DOCK6: variants seen among roughly 807,000 people sequenced by gnomAD.
The protein encoded by DOCK6 is dedicator of cytokinesis protein 6.
DOCK6 carries 167 observed loss-of-function variants against 230.3 expected under a neutral mutation model. The observed-to-expected ratio is 0.73, with a 90% CI of 0.64 to 0.82. The LOEUF is 0.82. Among genes scored for constraint, DOCK6 ranks in the 40% least tolerant of loss-of-function variants. The pLI, the probability that DOCK6 is intolerant of heterozygous loss-of-function variation, is 0.00. For missense variants in DOCK6, 2,598 were observed against 2,825.8 expected, an observed-to-expected ratio of 0.92 and a Z score of 1.83; for synonymous variants, 1,148 against 1,185.0, an observed-to-expected ratio of 0.97 and a Z score of 0.64.
At chr19:11,235,877 A>ATTTTT (rs56665433) in intron 20 of DOCK6, 118 bp from the exon 21 acceptor site, 44 of 886,110 alleles carry the variant, frequency 5.0e-5, no homozygotes, top group South Asian at 8.4e-5. Flanking sequence ...GGGGTCACAA[A>ATTTTT]TTTTTTTTTT....
intron 39 of DOCK6, among the ~76,000 whole-genome samples, chr19:11,204,659 C>G (rs1267526565): frequency 6.6e-6 from 1 of 152,114 alleles, no homozygotes; most frequent in Non-Finnish European, 1.5e-5. Context: ...CCCACCCTAG[C>G]CTCCCACATA....
intron 16 of DOCK6, 33 bp from the exon 17 acceptor site, chr19:11,237,812 G>A (rs1414389546): frequency 2.6e-6 from 4 of 1,542,028 alleles, no homozygotes; most frequent in Admixed American, 2.0e-5. Flanking sequence ...TCTGCTGGGG[G>A]CTGGGGTCCC....
Position 11,216,915 on chromosome 19 carries a change from T to C in DOCK6, c.3893A>G (p.Lys1298Arg). The C allele has an allele frequency of 8.7e-6, 14 of 1,613,624 alleles. No individual in the cohort carries two copies. The highest frequency in any genetic ancestry group is 1.2e-5 in the Non-Finnish European group (14 of 1,179,824). ...LYLCLAAFEY[K>R]GKKAFERINS... ...CATCTCCTGCCCACGCCCTCAAACC[T>C]TGTACTCAAAGGCAGCTAGGCAAAG... The change falls in exon 30 of 48, where the codon AAG becomes AGG. Residue 1298 changes from lysine (K) to arginine (R), a missense_variant and splice_region_variant. By Grantham distance (26) the Lys-to-Arg change is conservative (BLOSUM62 2). Coordinates refer to ENST00000294618, the MANE Select transcript of DOCK6 (RefSeq NM_020812.4).
In DOCK6 at chr19:11,202,455, T is replaced by C. The variant is rs1341860747; in HGVS notation, c.5390A>G (p.Asp1797Gly). Residue 1797 changes from aspartate (D) to glycine (G), a missense_variant, in exon 43 of 48, where the codon GAC (aspartate) becomes GGC (glycine). Coordinates refer to ENST00000294618, the MANE Select transcript of DOCK6 (RefSeq NM_020812.4). This position sits in a 1 kb window ranked among gnomAD's most constrained non-coding sequence, Gnocchi z 5.3. ...AGAGTCTTTGATAATCTCAACGACG[T>C]CGTCGCCAAATCTCTCCGTGTAGAA... Reference protein sequence around the residue: ...EEFYTERFGDDVVEIIKDSNP... With the variant: ...EEFYTERFGDGVVEIIKDSNP... The C allele has an allele frequency of 2.5e-6, 4 of 1,613,414 alleles. No homozygotes were observed. Among genetic ancestry groups the C allele is most frequent in the Non-Finnish European group, 3.4e-6 (4 of 1,179,642 alleles).
chr19:11,209,640 C>T (rs1397698102), intron 37 of DOCK6, among the ~76,000 whole-genome samples: 3 of 85,822 alleles, frequency 3.5e-5, no homozygotes, highest in East Asian at 3.9e-4. Flanking sequence ...ATCCCTTCAC[C>T]TGTCTATCCC....
At position 11,260,885 on chromosome 19, in the gene DOCK6, A is replaced by AAAAAAAAAAAAAAAAG. The variant is rs1555698780; in HGVS notation, c.44+1511_44+1512insCTTTTTTTTTTTTTTT. 5.3e-4 allele frequency among the ~76,000 whole-genome samples: 67 copies of AAAAAAAAAAAAAAAAG among 127,298 alleles called. 6 individuals are homozygous for AAAAAAAAAAAAAAAAG. Among genetic ancestry groups the AAAAAAAAAAAAAAAAG allele is most frequent in the African/African-American group, 1.5e-3 (51 of 33,512 alleles). 83.5% of individuals were successfully genotyped at this position (127,298 alleles called of 152,430 possible). On this transcript the variant is annotated intron_variant, in intron 1 of 47. Transcript: ENST00000294618. ...GTGACAGAGCGAGACTCTGTCTCAA[A>AAAAAAAAAAAAAAAAG]AAAAAAAAAAGAAAGAAAGAAAGAA...
rs1024606600 is a variant in DOCK6, at chr19:11,242,639, G to A, written c.1480+420C>T. On this transcript the variant is annotated intron_variant, in intron 13 of 47. Transcript: ENST00000294618. ...ACTCCTGACCTCAAGTGATCTGCCCGCCTCGGCCTCCCAAAGTGCTGGCAT... is the reference window on the plus strand; with the variant it reads ...ACTCCTGACCTCAAGTGATCTGCCCACCTCGGCCTCCCAAAGTGCTGGCAT... 3.3e-5 allele frequency among the ~76,000 whole-genome samples: 5 copies of A among 151,800 alleles called. No individual in the cohort carries two copies. The South Asian group carries it at 8.3e-4, about 25-fold the overall frequency.
At chr19:11,250,564 C>T (rs1238169257) in intron 6 of DOCK6, among the ~76,000 whole-genome samples, 1 of 152,266 alleles carries the variant, frequency 6.6e-6, no homozygotes, top group East Asian at 1.9e-4. Flanking sequence ...CCCACCTCAG[C>T]CTCCCAAAGT....
Position 11,259,279 on chromosome 19 carries a change from T to C in DOCK6, c.44+3118A>G, listed in dbSNP as rs148333823. Among the ~76,000 whole-genome samples, 413 of 152,092 alleles carry C rather than the reference T, an allele frequency of 2.7e-3. 4 individuals are homozygous for C. Among genetic ancestry groups the C allele is most frequent in the African/African-American group, 9.4e-3 (390 of 41,520 alleles). On this transcript the variant is annotated intron_variant, in intron 1 of 47. Coordinates refer to ENST00000294618, the MANE Select transcript of DOCK6 (RefSeq NM_020812.4). ...GTTGCCCAGGCTGGTCTTGAACTCC[T>C]GGCCTCCCAAAGTGGTAGGATTACA... is the stretch of plus-strand genomic sequence containing the variant.
intron 24 of DOCK6, among the ~76,000 whole-genome samples, chr19:11,226,692 C>T (rs2079670446): frequency 6.6e-6 from 1 of 152,096 alleles, no homozygotes. Flanking sequence ...ATGATACGAT[C>T]CACATAAAAT....
chr19:11,230,658 G>T (rs2079751305), intron 22 of DOCK6, among the ~76,000 whole-genome samples: 1 of 152,004 alleles, frequency 6.6e-6, no homozygotes, highest in African/African-American at 2.4e-5. Flanking sequence ...GGACAGAGGA[G>T]GTTAAACACA....
intron 2 of DOCK6, 82 bp from the exon 3 acceptor site, chr19:11,253,040 G>C: frequency 7.3e-7 from 1 of 1,378,330 alleles, no homozygotes; most frequent in Non-Finnish European, 9.9e-7. Context: ...GTGCGCGCTG[G>C]CTTCAAACTC....
At chr19:11,262,183 C>G (rs2080301699) in intron 1 of DOCK6, among the ~76,000 whole-genome samples, 1 of 152,082 alleles carries the variant, frequency 6.6e-6, no homozygotes, top group Non-Finnish European at 1.5e-5. Context: ...GCGCTCCCAG[C>G]CCCGACGCGA....
At chr19:11,252,417 C>T in intron 4 of DOCK6, 65 bp downstream of exon 4, 1 of 1,600,954 alleles carries the variant, frequency 6.2e-7, no homozygotes. Context: ...GTAGGACCGG[C>T]TGCAGACATC....
intron 21 of DOCK6, among the ~76,000 whole-genome samples, chr19:11,235,043 A>T (rs2079824576): frequency 6.6e-6 from 1 of 151,918 alleles, no homozygotes; most frequent in African/African-American, 2.4e-5. Context: ...CCCGGGTTCA[A>T]GTGATTCTTC....
In DOCK6 at chr19:11,217,310, T is replaced by A; in HGVS notation, c.3632A>T (p.Asn1211Ile). 1.2e-6 allele frequency: 2 copies of A among 1,612,846 alleles called. No homozygotes were observed. The change falls in exon 29 of 48, where the codon AAC becomes ATC. Residue 1211 changes from asparagine to isoleucine, a missense_variant. Physicochemically the swap from Asn to Ile is moderately radical, Grantham distance 149. Coordinates refer to ENST00000294618, the MANE Select transcript of DOCK6 (RefSeq NM_020812.4). ...EGEGDIAGTI[N>I]PSVAMAIAGG... ...AGCAATGGCCATGGCCACAGAGGGGTTGATGGTACCCGCAATGTCCCCTTC... is the reference window on the plus strand; with the variant it reads ...AGCAATGGCCATGGCCACAGAGGGGATGATGGTACCCGCAATGTCCCCTTC...
intron 6 of DOCK6, among the ~76,000 whole-genome samples, chr19:11,249,652 T>G (rs1334352041): frequency 6.7e-6 from 1 of 149,746 alleles, no homozygotes; most frequent in Non-Finnish European, 1.5e-5. Flanking sequence ...TCCCAGCACT[T>G]TGGGAGGCCG....
rs2079383481 is a variant in DOCK6 at position 11,211,527 on chromosome 19, C to A, written c.4751+249G>T. ...CTGCTCACCTGTCCCCCTCACCTGTCTGCTCCCCTATCCCCCTTACCTGTC... is the reference window on the plus strand; with the variant it reads ...CTGCTCACCTGTCCCCCTCACCTGTATGCTCCCCTATCCCCCTTACCTGTC... On this transcript the variant is annotated intron_variant, in intron 37 of 47. Coordinates refer to ENST00000294618, the MANE Select transcript of DOCK6 (RefSeq NM_020812.4). Among the ~76,000 whole-genome samples the A allele has an allele frequency of 2.0e-5, 3 of 149,716 alleles. No homozygotes were observed. The South Asian group carries it at 6.4e-4, about 32-fold the overall frequency.
chr19:11,204,236 G>T lies in DOCK6; in HGVS notation c.5184C>A (p.Gly1728=). 6.3e-7 allele frequency: 1 copy of T among 1,578,758 alleles called. No individual in the cohort carries two copies. Among genetic ancestry groups the T allele is most frequent in the South Asian group, 1.1e-5 (1 of 86,966 alleles). Residue 1728 remains glycine (G), a synonymous_variant, in exon 40 of 48, where the codon GGC becomes GGA. Coordinates refer to ENST00000294618, the MANE Select transcript of DOCK6 (RefSeq NM_020812.4). Reference sequence around the variant, plus strand: ...TCTTGGTGAAGGCCTCCTGCAGTTTGCCGTGCACCGCGGCCAGCTTCTTGT... The same window carrying T: ...TCTTGGTGAAGGCCTCCTGCAGTTTTCCGTGCACCGCGGCCAGCTTCTTGT... ...RDYKKLAAVH[G]KLQEAFTKIM... is the part of the protein sequence containing the mutation.
Sources: gnomAD v4.1 joint callset for allele counts (sites outside exome capture counted in the v4.1 genomes callset) on GRCh38, gnomAD v4.1.1 for gene constraint, Gnocchi (gnomAD v3.1) non-coding constraint, MANE v1.5 for transcripts, NCBI Gene and HGNC (gene_info 2026-07-23, HGNC 2026-07-21) for gene names.